Variants in ZNF644 observed in about 807,000 individuals in gnomAD.
ZNF644 encodes the protein zinc finger motif enhancer binding protein 2.
In ZNF644, 20 loss-of-function variants were observed where a neutral mutation model predicts 108.0. The ratio of observed to expected loss-of-function variants is 0.19; its 90% confidence interval spans 0.13 to 0.27. ZNF644 has a LOEUF of 0.27. Among genes scored for constraint, ZNF644 ranks in the 10% least tolerant of loss-of-function variants. The pLI is 1.00. For synonymous variants in ZNF644, 542 were observed against 539.1 expected, an observed-to-expected ratio of 1.01 and a Z score of -0.08; for missense variants, 1,338 against 1,548.9, an observed-to-expected ratio of 0.86 and a Z score of 2.29.
intron 2 of ZNF644, among the ~76,000 whole-genome samples, chr1:90,978,386 A>T (rs1416095947): frequency 2.0e-5 from 3 of 151,962 alleles, no homozygotes; most frequent in Non-Finnish European, 2.9e-5. Context: ...ACTAAATACT[A>T]ACTGTTACTT....
intron 4 of ZNF644, among the ~76,000 whole-genome samples, chr1:90,935,834 T>C (rs1029459824): frequency 2.0e-5 from 3 of 152,190 alleles, no homozygotes; most frequent in Admixed American, 1.3e-4. Context: ...TTCTTAAACC[T>C]ACTACAATAC....
chr1:90,948,677 T>C (rs994083729), intron 2 of ZNF644, among the ~76,000 whole-genome samples: 4 of 152,210 alleles, frequency 2.6e-5, no homozygotes, highest in African/African-American at 9.6e-5. Context: ...GAAAGTCGAC[T>C]ATATTCATCG....
chr1:91,020,905 T>C (rs1042980600), intron 1 of ZNF644: 1 of 152,218 alleles, frequency 6.6e-6, no homozygotes, highest in Non-Finnish European at 1.5e-5. Flanking sequence ...ATTATGTTTA[T>C]CCCCTCGTTG....
chr1:90,980,350 G>T (rs1267462627), intron 2 of ZNF644, among the ~76,000 whole-genome samples: 1 of 152,166 alleles, frequency 6.6e-6, no homozygotes, highest in African/African-American at 2.4e-5. Context: ...ATGTACCTAG[G>T]ACTAGAACTA....
chr1:91,012,729 C>G (rs2100649191), intron 1 of ZNF644, among the ~76,000 whole-genome samples: 1 of 152,146 alleles, frequency 6.6e-6, no homozygotes, highest in African/African-American at 2.4e-5. Context: ...ATCCTCTTCT[C>G]CCCAGGTGTA....
intron 4 of ZNF644, among the ~76,000 whole-genome samples, chr1:90,928,409 C>T (rs1411530872): frequency 6.7e-6 from 1 of 148,208 alleles, no homozygotes; most frequent in African/African-American, 2.5e-5. Flanking sequence ...CCTCCAGCTT[C>T]TGGGTTCATG....
chr1:90,929,077 A>C (rs1465518602), intron 4 of ZNF644, among the ~76,000 whole-genome samples: 1 of 152,182 alleles, frequency 6.6e-6, no homozygotes, highest in Admixed American at 6.5e-5. Flanking sequence ...CTTGCATTTA[A>C]AAAGTCACAA....
intron 4 of ZNF644, chr1:90,935,474 C>G: frequency 1.0e-6 from 1 of 985,876 alleles, no homozygotes; most frequent in Non-Finnish European, 1.2e-6. Flanking sequence ...GACAGGCTAA[C>G]AGCACTTGTA....
At chr1:90,924,462 CG>C (rs1557545426) in intron 4 of ZNF644, among the ~76,000 whole-genome samples, 1 of 152,002 alleles carries the variant, frequency 6.6e-6, no homozygotes, top group East Asian at 1.9e-4. Context: ...CTAAAATCTC[CG>C]TATTTCTGAT....
At chr1:91,006,592 C>T (rs941010710) in intron 1 of ZNF644, among the ~76,000 whole-genome samples, 1 of 152,162 alleles carries the variant, frequency 6.6e-6, no homozygotes, top group Non-Finnish European at 1.5e-5. Flanking sequence ...AAGAAAACTA[C>T]CAACAAATAT....
At chr1:90,949,206 A>G (rs1288317769) in intron 2 of ZNF644, among the ~76,000 whole-genome samples, 1 of 151,412 alleles carries the variant, frequency 6.6e-6, no homozygotes, top group Non-Finnish European at 1.5e-5. Context: ...TTGAATTTAT[A>G]TATTTATATA....
intron 1 of ZNF644, among the ~76,000 whole-genome samples, chr1:91,010,705 C>G (rs959014924): frequency 7.2e-5 from 11 of 152,120 alleles, no homozygotes; most frequent in African/African-American, 2.7e-4. Context: ...GTTAAGTACT[C>G]TTCAAGCTAT....
chr1:90,921,708 C>T (rs546555233), intron 4 of ZNF644, among the ~76,000 whole-genome samples: 61 of 149,438 alleles, frequency 4.1e-4, no homozygotes, highest in African/African-American at 1.5e-3. Flanking sequence ...TTTACTCATA[C>T]GGAGAATAAA....
intron 1 of ZNF644, among the ~76,000 whole-genome samples, chr1:91,006,508 A>T (rs1659431455): frequency 6.6e-6 from 1 of 152,252 alleles, no homozygotes; most frequent in Admixed American, 6.5e-5. Flanking sequence ...TCCAAAAAAT[A>T]GGAGGGAACA....
At position 90,940,420 on chromosome 1, in the gene ZNF644, T is replaced by G. The variant is rs200344127; in HGVS notation, c.934A>C (p.Asn312His). Residue 312 changes from asparagine to histidine, a missense_variant, in exon 3 of 6, where the codon AAT becomes CAT. Asn to His is a moderately conservative substitution (Grantham distance 68). Around this residue, in one of 6 missense-constraint regions of ZNF644, gnomAD observed 464 missense variants for 457.9 expected, o/e 1.01. Transcript: ENST00000337393. ...ATTTTTGATTTATTGGGTACACAAT[T>G]AGAATCACTAAAGCAATCCTCGGTA... ...RYTEDCFSDSNCVPNKSKMQE... is the reference protein window; with the variant it reads ...RYTEDCFSDSHCVPNKSKMQE... 3.1e-6 allele frequency: 5 copies of G among 1,613,682 alleles called. No homozygotes were observed. The highest frequency in any genetic ancestry group is 4.2e-6 in the Non-Finnish European group (5 of 1,179,920).
chr1:90,986,914 C>T (rs1002241549), intron 1 of ZNF644, among the ~76,000 whole-genome samples: 1 of 151,744 alleles, frequency 6.6e-6, no homozygotes, highest in Non-Finnish European at 1.5e-5. Context: ...AAAAAACTTA[C>T]TCTTACCCAA....
intron 2 of ZNF644, among the ~76,000 whole-genome samples, chr1:90,944,562 G>A (rs1046254208): frequency 2.6e-4 from 39 of 149,796 alleles, no homozygotes; most frequent in African/African-American, 8.2e-4. Context: ...TTCTGCATCA[G>A]TTTGAAAATA....
At chr1:90,928,757 T>A (rs1204915099) in intron 4 of ZNF644, among the ~76,000 whole-genome samples, 1 of 152,182 alleles carries the variant, frequency 6.6e-6, no homozygotes, top group East Asian at 1.9e-4. Context: ...GAACTCCAAG[T>A]TCCACTCCTG....
At chr1:90,942,464 G>A (rs1652095031) in intron 2 of ZNF644, among the ~76,000 whole-genome samples, 1 of 152,058 alleles carries the variant, frequency 6.6e-6, no homozygotes, top group African/African-American at 2.4e-5. Flanking sequence ...AAGAATGTCA[G>A]CTCTTTGAGG....
Sources: gnomAD v4.1 joint callset for allele counts (sites outside exome capture counted in the v4.1 genomes callset) on GRCh38, gnomAD v4.1.1 for gene constraint, gnomAD v4.1.1 regional missense constraint, MANE v1.5 for transcripts, NCBI Gene and HGNC (gene_info 2026-07-23, HGNC 2026-07-21) for gene names.